The following RARA variants were observed in gnomAD, a reference collection of about 807,000 sequenced individuals.
The protein encoded by RARA is retinoic acid receptor alpha.
A neutral mutation model predicts 42.8 loss-of-function variants in RARA; 5 were observed. That is an observed-to-expected ratio of 0.12 (90% CI 0.06 to 0.25). The LOEUF is 0.25. RARA is among the 10% of genes least tolerant of loss of function. The pLI is 1.00. For missense variants in RARA, 402 were observed against 628.7 expected (o/e 0.64, Z 3.86); for synonymous variants, 256 against 259.5 (o/e 0.99, Z 0.13).
intron 1 of RARA, among the ~76,000 whole-genome samples, chr17:40,316,016 G>A (rs2033206835): frequency 6.6e-6 from 1 of 152,200 alleles, no homozygotes; most frequent in Non-Finnish European, 1.5e-5. Flanking sequence ...CCTGTTATGA[G>A]CCCAGCATAG....
Position 40,356,527 on chromosome 17 carries a change from C to T in RARA, c.*301C>T, listed in dbSNP as rs1171498463. On this transcript the variant is annotated 3_prime_UTR_variant, in exon 9 of 9. Coordinates refer to ENST00000254066, the MANE Select transcript of RARA (RefSeq NM_000964.4). ...GGGGGCCTCGTGTTCATCAAGACAC[C>T]CCTCTGCCCAGCTCACCACATCTTC... 1.6e-6 allele frequency: 1 copy of T among 638,172 alleles called. No homozygotes were observed. The highest frequency in any genetic ancestry group is 2.1e-5 in the Admixed American group (1 of 47,866). The allele number at this position is 638,172 out of a possible 1,614,324, so 39.5% of individuals were successfully genotyped here.
At position 40,311,398 on chromosome 17, in the gene RARA, C is replaced by A. The variant is rs765349614; in HGVS notation, c.-363+2112C>A. ...GAGACTAGGAGAGGAGGAAACACAC[C>A]AAGGTCCTCAGGACCTGGTTGATAT... On this transcript the variant is annotated intron_variant, in intron 1 of 8. Transcript: ENST00000254066. Among the ~76,000 whole-genome samples, 4 of 152,162 alleles carry A rather than the reference C, an allele frequency of 2.6e-5. No homozygotes were observed. In the East Asian group the frequency reaches 7.8e-4, roughly 30 times the overall value.
At position 40,355,523 on chromosome 17, in the gene RARA, C is replaced by A. The variant is rs990054624; in HGVS notation, c.1171+102C>A. 17 of 1,425,472 alleles carry A rather than the reference C, an allele frequency of 1.2e-5. No homozygotes were observed. Among genetic ancestry groups the A allele is most frequent in the Non-Finnish European group, 1.6e-5 (17 of 1,062,636 alleles). The allele number at this position is 1,425,472 out of a possible 1,614,324, so 88.3% of individuals were successfully genotyped here. On this transcript the variant is annotated intron_variant, in intron 8 of 8. Transcript: ENST00000254066. This position sits in a 1 kb window ranked among gnomAD's most constrained non-coding sequence, Gnocchi z 4.1. ...GTCTTTGTGCCAGGACAATACGACA[C>A]CTGTCCCCATCTGTGTCTAGGCTGA...
chr17:40,356,456 C>A lies in RARA; in HGVS notation c.*230C>A. On this transcript the variant is annotated 3_prime_UTR_variant, in exon 9 of 9. Transcript: ENST00000254066. ...CTGGGCTGACGTCAGAGGCCGAGGC[C>A]AGGAACTGAGTGAGGCCCCTGGTCC... is the stretch of plus-strand genomic sequence containing the variant. 1.4e-6 allele frequency: 1 copy of A among 705,936 alleles called. No individual in the cohort carries two copies. The allele number at this position is 705,936 out of a possible 1,614,324, so 43.7% of individuals were successfully genotyped here. A position where few individuals can be genotyped will look rare whatever the true frequency, so the allele number is the denominator to read the frequency against.
intron 1 of RARA, among the ~76,000 whole-genome samples, chr17:40,315,901 G>A (rs993795267): frequency 5.9e-5 from 9 of 152,134 alleles, no homozygotes; most frequent in Admixed American, 2.6e-4. Flanking sequence ...AGAGTGAGGC[G>A]CCCCGAGCCT....
rs2034671645 is a variant in RARA at position 40,357,339 on chromosome 17, CACACAA to C, written c.*1119_*1124del. 1 of 234,556 alleles carries C rather than the reference CACACAA, an allele frequency of 4.3e-6. No individual in the cohort carries two copies. Among genetic ancestry groups the C allele is most frequent in the South Asian group, 1.7e-4 (1 of 5,774 alleles). 14.5% of individuals were successfully genotyped at this position (234,556 alleles called of 1,614,324 possible). On this transcript the variant is annotated 3_prime_UTR_variant, in exon 9 of 9. Coordinates refer to ENST00000254066, the MANE Select transcript of RARA (RefSeq NM_000964.4). Reference sequence around the variant, plus strand: ...CACCACACACATGCGCGTGCGCACACACACAAACACACACACACTGGACAGTAGATG... The same window carrying C: ...CACCACACACATGCGCGTGCGCACACACACACACACACTGGACAGTAGATG...
At position 40,331,238 on chromosome 17, in the gene RARA, C is replaced by G. The variant is rs150291626; in HGVS notation, c.20C>G (p.Ser7Cys). 8.9e-5 allele frequency: 143 copies of G among 1,612,622 alleles called. No individual in the cohort carries two copies. Among genetic ancestry groups the G allele is most frequent in the Non-Finnish European group, 1.0e-4 (121 of 1,179,736 alleles). The change falls in exon 2 of 9, where the codon TCC (serine) becomes TGC (cysteine). Residue 7 changes from serine (S) to cysteine (C), a missense_variant. This residue lies in a region of RARA where 91 missense variants were observed against 105.2 expected (regional missense o/e 0.87). Coordinates refer to ENST00000254066, the MANE Select transcript of RARA (RefSeq NM_000964.4). Reference sequence around the variant, plus strand: ...CTTGGCATGGCCAGCAACAGCAGCTCCTGCCCGACACCTGGGGGCGGGCAC... The same window carrying G: ...CTTGGCATGGCCAGCAACAGCAGCTGCTGCCCGACACCTGGGGGCGGGCAC... MASNSSSCPTPGGGHLN... is the reference protein window; with the variant it reads MASNSSCCPTPGGGHLN...
In RARA at chr17:40,352,179, C is replaced by G; in HGVS notation, c.630+109C>G. On this transcript the variant is annotated intron_variant, in intron 5 of 8. Transcript: ENST00000254066. The surrounding 1 kb of genome is among the most constrained non-coding windows in gnomAD (Gnocchi z 4.9). ...TGCCAGGCAAGATCTCTGCGTCCTTCCCTTCCCCTCTCTTCTCCCTCCTCC... is the reference window on the plus strand; with the variant it reads ...TGCCAGGCAAGATCTCTGCGTCCTTGCCTTCCCCTCTCTTCTCCCTCCTCC... The G allele has an allele frequency of 6.8e-7, 1 of 1,480,734 alleles. No homozygotes were observed. Among genetic ancestry groups the G allele is most frequent in the Admixed American group, 2.6e-5 (1 of 38,606 alleles). 91.7% of individuals were successfully genotyped at this position (1,480,734 alleles called of 1,614,324 possible).
At chr17:40,330,402 G>A (rs1015198824) in intron 1 of RARA, among the ~76,000 whole-genome samples, 7 of 152,150 alleles carry the variant, frequency 4.6e-5, no homozygotes, top group African/African-American at 7.2e-5. Flanking sequence ...TGGTGTAAGA[G>A]GGGCCCCCTG....
rs545206956 is a variant in RARA, at chr17:40,332,248, G to C, written c.178+852G>C. On this transcript the variant is annotated intron_variant, in intron 2 of 8. Transcript: ENST00000254066. The stretch of plus-strand genomic sequence containing the variant: ...CCCAGCTGGGCGCCAGGCCAGGGCT[G>C]GGGGGAGGAGGGAGCCGGGGCCTGG... Among the ~76,000 whole-genome samples the C allele has an allele frequency of 5.9e-5, 9 of 152,212 alleles. No individual in the cohort carries two copies. In the East Asian group the frequency reaches 9.7e-4, roughly 16 times the overall value.
intron 1 of RARA, among the ~76,000 whole-genome samples, chr17:40,312,240 CG>C (rs2033110076): frequency 1.3e-5 from 2 of 152,206 alleles, no homozygotes; most frequent in African/African-American, 4.8e-5. Context: ...CCCTCTAGAC[CG>C]CTTGCCTCCT....
At chr17:40,324,640 G>A (rs377124195) in intron 1 of RARA, among the ~76,000 whole-genome samples, 5 of 152,182 alleles carry the variant, frequency 3.3e-5, no homozygotes, top group East Asian at 3.8e-4. Flanking sequence ...GCTCTGTGTA[G>A]CTGGGGAAAA....
intron 2 of RARA, 161 bp from the exon 3 acceptor site, chr17:40,348,155 C>G: frequency 3.4e-6 from 3 of 877,716 alleles, no homozygotes; most frequent in South Asian, 2.1e-5. Flanking sequence ...GCCTCCTGCC[C>G]TGAGTCTGGC....
At position 40,340,733 on chromosome 17, in the gene RARA, ATTAT is replaced by A. The variant is rs1416814319; in HGVS notation, c.179-7580_179-7577del. 26 of 398,612 alleles carry A rather than the reference ATTAT, an allele frequency of 6.5e-5. No individual in the cohort carries two copies. The East Asian group carries it at 6.8e-4, about 10-fold the overall frequency. The allele number at this position is 398,612 out of a possible 1,614,324, so 24.7% of individuals were successfully genotyped here. ...TTTGCAATTGTGTGTGCATACAGTGATTATTTGCTTAATGGCTGTTGCTCCCTAA... is the reference window on the plus strand; with the variant it reads ...TTTGCAATTGTGTGTGCATACAGTGATTGCTTAATGGCTGTTGCTCCCTAA... On this transcript the variant is annotated intron_variant, in intron 2 of 8. Transcript: ENST00000254066.
At chr17:40,342,404 G>A in intron 2 of RARA, 2 of 1,155,970 alleles carry the variant, frequency 1.7e-6, no homozygotes, top group Non-Finnish European at 1.1e-6. Context: ...ACTCTAGACG[G>A]GAGTCCCCTC....
At chr17:40,317,293 G>A (rs1016563479) in intron 1 of RARA, among the ~76,000 whole-genome samples, 1 of 152,210 alleles carries the variant, frequency 6.6e-6, no homozygotes, top group African/African-American at 2.4e-5. Flanking sequence ...AGTATTCTAA[G>A]CAATTCTGCT....
At position 40,330,973 on chromosome 17, in the gene RARA, A is replaced by C; in HGVS notation, c.-246A>C. 2.1e-6 allele frequency: 1 copy of C among 469,714 alleles called. No homozygotes were observed. The highest frequency in any genetic ancestry group is 4.1e-5 in the Admixed American group (1 of 24,618). 29.1% of individuals were successfully genotyped at this position (469,714 alleles called of 1,614,324 possible). On this transcript the variant is annotated 5_prime_UTR_variant, in exon 2 of 9. Coordinates refer to ENST00000254066, the MANE Select transcript of RARA (RefSeq NM_000964.4). ...CCCAGGAAAAGTGCCAGCTCACAGA[A>C]CTGCTTGACCAAAGGACCGGCTCTT...
At position 40,345,320 on chromosome 17, in the gene RARA, C is replaced by A; in HGVS notation, c.179-2996C>A. The A allele has an allele frequency of 6.5e-6, 1 of 153,084 alleles. No homozygotes were observed. 9.5% of individuals were successfully genotyped at this position (153,084 alleles called of 1,614,324 possible). On this transcript the variant is annotated intron_variant, in intron 2 of 8. Coordinates refer to ENST00000254066, the MANE Select transcript of RARA (RefSeq NM_000964.4). This position sits in a 1 kb window ranked among gnomAD's most constrained non-coding sequence, Gnocchi z 4.8. ...CTCCCCGGGAGGAGGAAGGACGGTA[C>A]AGAGGGCCCTACGCCCCCTCCCCAA...
In RARA at chr17:40,349,936, T is replaced by G. The variant is rs767189598; in HGVS notation, c.469+11T>G. The G allele has an allele frequency of 8.7e-6, 14 of 1,613,646 alleles. No individual in the cohort carries two copies. In the South Asian group the frequency reaches 1.5e-4, roughly 18 times the overall value. On this transcript the variant is annotated intron_variant, in intron 4 of 8. Coordinates refer to ENST00000254066, the MANE Select transcript of RARA (RefSeq NM_000964.4). ...GCATGTCCAAGGAGTGTGAGTGCCA[T>G]AGGGCAGGGGCCGAGTCCCGCCTCA...
Sources: allele counts gnomAD v4.1 joint callset (sites outside exome capture counted in the v4.1 genomes callset), GRCh38; gene constraint gnomAD v4.1.1; regional missense constraint gnomAD v4.1.1; non-coding constraint Gnocchi (gnomAD v3.1); transcripts MANE v1.5; gene names NCBI Gene and HGNC (gene_info 2026-07-23, HGNC 2026-07-21).